The following ABCE1 variants were observed in gnomAD, a reference collection of about 807,000 sequenced individuals.
ABCE1 encodes the protein ATP binding cassette subfamily E member 1.
A neutral mutation model predicts 83.4 loss-of-function variants in ABCE1; 22 were observed. The ratio of observed to expected loss-of-function variants is 0.26; its 90% CI spans 0.19 to 0.38. ABCE1 has a LOEUF of 0.38. Among genes scored for constraint, ABCE1 ranks in the 10% least tolerant of loss-of-function variants. The probability of loss-of-function intolerance (pLI) is 1.00; values close to 1 mark genes in which losing one functional copy is unlikely to be tolerated. For synonymous variants in ABCE1, 204 were observed against 233.7 expected (o/e 0.87, Z 1.16); for missense variants, 330 against 721.9 (o/e 0.46, Z 6.22).
At chr4:145,105,282 G>T (rs926179488) in intron 2 of ABCE1, among the ~76,000 whole-genome samples, 1 of 151,902 alleles carries the variant, frequency 6.6e-6, no homozygotes, top group Non-Finnish European at 1.5e-5. Context: ...TTAAAATTTA[G>T]GTTAATCAGC....
intron 9 of ABCE1, among the ~76,000 whole-genome samples, chr4:145,116,071 T>A (rs1166842407): frequency 1.3e-5 from 2 of 151,826 alleles, no homozygotes; most frequent in Non-Finnish European, 2.9e-5. Context: ...CTTAAAGGGT[T>A]AGGTGGGATT....
chr4:145,115,722 G>A (rs1326316425), intron 9 of ABCE1, among the ~76,000 whole-genome samples: 1 of 151,850 alleles, frequency 6.6e-6, no homozygotes, highest in Non-Finnish European at 1.5e-5. Flanking sequence ...ACAACATAGA[G>A]ATAGAACATT....
intron 10 of ABCE1, among the ~76,000 whole-genome samples, chr4:145,117,954 C>T (rs531753825): frequency 9.2e-5 from 14 of 151,824 alleles, no homozygotes; most frequent in Middle Eastern, 3.4e-3. Context: ...ATGTCTCCTC[C>T]TTACCTGTGT....
rs138799842 is a variant in ABCE1, at chr4:145,121,104, A to G, written c.1145-70A>G. 86 of 1,501,194 alleles carry G rather than the reference A, an allele frequency of 5.7e-5. No individual in the cohort carries two copies. In the African/African-American group the frequency reaches 9.9e-4, roughly 17 times the overall value. 93.0% of individuals were successfully genotyped at this position (1,501,194 alleles called of 1,614,324 possible). ...AAACAAATTTCTCAGTTAAAACCAA[A>G]TAGGACATAGTGATTTACTTTAAAC... On this transcript the variant is annotated intron_variant, in intron 11 of 17. Transcript: ENST00000296577.
At chr4:145,104,543 A>G (rs1579209206) in intron 2 of ABCE1, 28 bp downstream of exon 2, 1 of 1,430,944 alleles carries the variant, frequency 7.0e-7, no homozygotes, top group African/African-American at 1.5e-5. Flanking sequence ...TCATTTAAGT[A>G]TAAAAGAAAA....
Position 145,113,023 on chromosome 4 carries a change from T to C in ABCE1, c.800+695T>C, listed in dbSNP as rs914928342. Among the ~76,000 whole-genome samples the C allele has an allele frequency of 2.0e-5, 3 of 152,318 alleles. No homozygotes were observed. The East Asian group carries it at 5.8e-4, about 29-fold the overall frequency. Reference sequence around the variant, plus strand: ...GACTTAACAATTTAATGAACATCCTTTTAAATACATGGCTCATCTTGCAAG... The same window carrying C: ...GACTTAACAATTTAATGAACATCCTCTTAAATACATGGCTCATCTTGCAAG... On this transcript the variant is annotated intron_variant, in intron 9 of 17. Transcript: ENST00000296577.
At position 145,129,362 on chromosome 4, in the gene ABCE1, A is replaced by G. The variant is rs948434475; in HGVS notation, c.*1789A>G. ...AGAAAAATACTTATAAAATCAGTAT[A>G]AAATCAATGCAGATGTTAGCAAAAG... On this transcript the variant is annotated 3_prime_UTR_variant, in exon 18 of 18. Coordinates refer to ENST00000296577, the MANE Select transcript of ABCE1 (RefSeq NM_002940.3). Among the ~76,000 whole-genome samples, 1 of 152,204 alleles carries G rather than the reference A, an allele frequency of 6.6e-6. No individual in the cohort carries two copies. The highest frequency in any genetic ancestry group is 1.5e-5 in the Non-Finnish European group (1 of 68,022).
Position 145,127,568 on chromosome 4 carries a change from G to A in ABCE1, c.1795G>A (p.Asp599Asn). 6.4e-7 allele frequency: 1 copy of A among 1,566,190 alleles called. No homozygotes were observed. The highest frequency in any genetic ancestry group is 8.6e-7 in the Non-Finnish European group (1 of 1,164,154). The change falls in exon 18 of 18, where the codon GAT becomes AAT. Residue 599 changes from aspartate to asparagine, a missense_variant. Asp to Asn is a conservative substitution (Grantham distance 23). Transcript: ENST00000296577. ...GAGTGGAAACTACTTTTTCTTGGAT[G>A]ATTAGACTGACTCTGAGAATATTGA... ...KKSGNYFFLD[D>N]
intron 9 of ABCE1, among the ~76,000 whole-genome samples, chr4:145,113,426 G>C (rs1275148278): frequency 1.3e-5 from 2 of 152,122 alleles, no homozygotes; most frequent in Non-Finnish European, 2.9e-5. Context: ...ACCCTTCAAA[G>C]TGAGAAAGTA....
chr4:145,107,858 T>C (rs1184212334), intron 3 of ABCE1, among the ~76,000 whole-genome samples, 157 bp from the exon 4 acceptor site: 3 of 152,230 alleles, frequency 2.0e-5, no homozygotes, highest in Non-Finnish European at 4.4e-5. Flanking sequence ...AGGAACCTTT[T>C]ATTTTAAGTA....
intron 17 of ABCE1, among the ~76,000 whole-genome samples, chr4:145,125,448 A>C (rs958496283): frequency 3.9e-5 from 6 of 152,156 alleles, no homozygotes; most frequent in Non-Finnish European, 5.9e-5. Flanking sequence ...AGCCTGGGCA[A>C]AAGAGTGAGA....
At chr4:145,118,778 T>A (rs1749668863) in intron 10 of ABCE1, among the ~76,000 whole-genome samples, 1 of 151,868 alleles carries the variant, frequency 6.6e-6, no homozygotes, top group Admixed American at 6.6e-5. Context: ...TTGAAATCAG[T>A]GCAGCATACT....
At chr4:145,117,213 A>T in intron 9 of ABCE1, 80 bp from the exon 10 acceptor site, 1 of 1,222,530 alleles carries the variant, frequency 8.2e-7, no homozygotes, top group Non-Finnish European at 1.1e-6. Flanking sequence ...ATTTTATTAG[A>T]TGTATCTCTT....
intron 3 of ABCE1, among the ~76,000 whole-genome samples, chr4:145,107,664 A>G (rs770920207): frequency 6.6e-6 from 1 of 152,200 alleles, no homozygotes; most frequent in Non-Finnish European, 1.5e-5. Flanking sequence ...CCAAATGCCA[A>G]TTGGAAATAG....
chr4:145,100,005 A>G (rs1387296303), intron 1 of ABCE1, among the ~76,000 whole-genome samples: 4 of 152,198 alleles, frequency 2.6e-5, no homozygotes, highest in Non-Finnish European at 4.4e-5. Context: ...TAGGTTTTCT[A>G]TTGAAAAACA....
rs925624278 is a variant in ABCE1 at position 145,129,386 on chromosome 4, A to G, written c.*1813A>G. Reference sequence around the variant, plus strand: ...TAAAATCAATGCAGATGTTAGCAAAAGAATGAGACTACTTCATATGTCCTA... The same window carrying G: ...TAAAATCAATGCAGATGTTAGCAAAGGAATGAGACTACTTCATATGTCCTA... On this transcript the variant is annotated 3_prime_UTR_variant, in exon 18 of 18. Coordinates refer to ENST00000296577, the MANE Select transcript of ABCE1 (RefSeq NM_002940.3). Among the ~76,000 whole-genome samples, 1 of 152,208 alleles carries G rather than the reference A, an allele frequency of 6.6e-6. No homozygotes were observed. The highest frequency in any genetic ancestry group is 6.5e-5 in the Admixed American group (1 of 15,290).
chr4:145,118,253 CTTT>C (rs4148244), intron 10 of ABCE1, among the ~76,000 whole-genome samples: 4 of 134,512 alleles, frequency 3.0e-5, no homozygotes, highest in African/African-American at 2.7e-5. Flanking sequence ...TTCTTTCTTT[CTTT>C]TTTTTTTTTT....
intron 9 of ABCE1, 75 bp downstream of exon 9, chr4:145,112,403 G>T: frequency 1.0e-6 from 1 of 1,001,522 alleles, no homozygotes. Context: ...TTAAACACTG[G>T]GACTGTCAAT....
Position 145,127,680 on chromosome 4 carries a change from C to T in ABCE1, c.*107C>T. On this transcript the variant is annotated 3_prime_UTR_variant, in exon 18 of 18. Transcript: ENST00000296577. ...ATTTTATGCCCCACATACTCTGGAA[C>T]TTGAAGTATAATATACTTAATATAA... 1.2e-6 allele frequency: 1 copy of T among 822,956 alleles called. No individual in the cohort carries two copies. Among genetic ancestry groups the T allele is most frequent in the Non-Finnish European group, 1.8e-6 (1 of 547,534 alleles). 51.0% of individuals were successfully genotyped at this position (822,956 alleles called of 1,614,324 possible). A position where few individuals can be genotyped will look rare whatever the true frequency, so the allele number is the denominator to read the frequency against.
Sources: allele counts gnomAD v4.1 joint callset (sites outside exome capture counted in the v4.1 genomes callset), GRCh38; gene constraint gnomAD v4.1.1; transcripts MANE v1.5; gene names NCBI Gene and HGNC (gene_info 2026-07-23, HGNC 2026-07-21).